The following ANK2 variants were observed in gnomAD, a reference collection of about 807,000 sequenced individuals.
The protein encoded by ANK2 is ankyrin 2.
In ANK2, 83 loss-of-function variants were observed where a neutral mutation model predicts 360.5. That is an observed-to-expected ratio of 0.23 (90% CI 0.19 to 0.28). The LOEUF is 0.28. Among genes scored for constraint, ANK2 ranks in the 10% least tolerant of loss-of-function variants. ANK2 has a pLI of 1.00. For missense variants in ANK2, 4,201 were observed against 4,795.7 expected, an observed-to-expected ratio of 0.88 and a Z score of 3.66; for synonymous variants, 1,740 against 1,759.5, an observed-to-expected ratio of 0.99 and a Z score of 0.28.
At chr4:113,263,022 T>C (rs1443537892) in intron 13 of ANK2, among the ~76,000 whole-genome samples, 1 of 151,516 alleles carries the variant, frequency 6.6e-6, no homozygotes, top group Non-Finnish European at 1.5e-5. Flanking sequence ...ACCCCATCTC[T>C]ACTAAAATTA....
chr4:113,193,684 T>C (rs2098706111), intron 2 of ANK2, among the ~76,000 whole-genome samples: 1 of 152,194 alleles, frequency 6.6e-6, no homozygotes, highest in Non-Finnish European at 1.5e-5. Context: ...GAAGAGTTCT[T>C]GGCTTGGGGG....
At chr4:112,736,966 T>A in the ANK2 span, among the ~76,000 whole-genome samples, 1 of 152,166 alleles carries the variant, frequency 6.6e-6, no homozygotes, top group Non-Finnish European at 1.5e-5. Flanking sequence ...TAAGTAGTGG[T>A]GGTGGTAGTG....
chr4:113,008,552 T>C (rs1256071159), intron 2 of ANK2, among the ~76,000 whole-genome samples: 1 of 152,160 alleles, frequency 6.6e-6, no homozygotes, highest in Admixed American at 6.6e-5. Flanking sequence ...TTAACTTATG[T>C]TTGGTGCAAA....
At chr4:112,805,328 G>T in the ANK2 span, among the ~76,000 whole-genome samples, 1 of 152,212 alleles carries the variant, frequency 6.6e-6, no homozygotes, top group Non-Finnish European at 1.5e-5. Context: ...TTTATGAAAT[G>T]AGAGGAAACC....
chr4:112,836,646 T>C (rs560218770), intron 1 of ANK2, among the ~76,000 whole-genome samples: 1 of 152,332 alleles, frequency 6.6e-6, no homozygotes, highest in East Asian at 1.9e-4. Context: ...TATTGGGAAC[T>C]GGAGTAAAGG....
At chr4:112,927,430 G>C (rs2092704425) in intron 2 of ANK2, among the ~76,000 whole-genome samples, 2 of 152,142 alleles carry the variant, frequency 1.3e-5, no homozygotes, top group Non-Finnish European at 2.9e-5. Context: ...TATATCTGTT[G>C]CTCTTTCAAG....
chr4:112,755,554 C>G, the ANK2 span, among the ~76,000 whole-genome samples: 1 of 151,942 alleles, frequency 6.6e-6, no homozygotes, highest in Non-Finnish European at 1.5e-5. Flanking sequence ...AGTACATTCT[C>G]AAGGGTGGGG....
chr4:113,306,924 G>A (rs1340475906), intron 23 of ANK2, among the ~76,000 whole-genome samples: 1 of 152,212 alleles, frequency 6.6e-6, no homozygotes, highest in African/African-American at 2.4e-5. Context: ...CAGAATTATA[G>A]CATCCAGATT....
chr4:112,884,085 TTTTGA>T (rs2077579991), intron 1 of ANK2, among the ~76,000 whole-genome samples: 2 of 152,098 alleles, frequency 1.3e-5, no homozygotes, highest in Admixed American at 1.3e-4. Flanking sequence ...CAATCAATAC[TTTTGA>T]TAAGTAATTA....
chr4:112,813,336 T>G (rs2149479562), upstream of ANK2, among the ~76,000 whole-genome samples: 1 of 151,326 alleles, frequency 6.6e-6, no homozygotes, highest in Non-Finnish European at 1.5e-5. Context: ...AATAAAACAC[T>G]TCAACATGTT....
intron 1 of ANK2, among the ~76,000 whole-genome samples, chr4:112,863,576 G>A (rs1166624822): frequency 7.3e-6 from 1 of 136,272 alleles, no homozygotes; most frequent in Non-Finnish European, 1.5e-5. Flanking sequence ...AGGCTGGAGT[G>A]CAGTGGCGCG....
intron 1 of ANK2, among the ~76,000 whole-genome samples, chr4:112,858,231 A>ATAT (rs74458053): frequency 0.33 from 50,680 of 151,600 alleles, 9,755 homozygotes; most frequent in East Asian, 0.66. Flanking sequence ...GTAAGTGACA[A>ATAT]TATTACTGAC....
At chr4:112,788,587 G>A in the ANK2 span, 2 of 1,586,338 alleles carry the variant, frequency 1.3e-6, no homozygotes, top group Non-Finnish European at 1.7e-6. Context: ...TTGTGGGCCA[G>A]CTTAAGCAGC....
rs765199439 is a variant in ANK2, at chr4:113,356,680, C to G, written c.8062C>G (p.Arg2688Gly). The G allele has an allele frequency of 1.2e-6, 2 of 1,614,072 alleles. No homozygotes were observed. Among genetic ancestry groups the G allele is most frequent in the South Asian group, 1.1e-5 (1 of 91,074 alleles). The change falls in exon 38 of 46, where the codon CGA (arginine) becomes GGA (glycine). Residue 2688 changes from arginine (R) to glycine (G), a missense_variant. By Grantham distance (125) the Arg-to-Gly change is moderately radical. This residue lies in a region of ANK2 where 2,642 missense variants were observed against 2,714.5 expected (regional missense o/e 0.97). Transcript: ENST00000357077. ...AGGCCTTTTACCAGAACCAGTGATT[C>G]GAGTACAACCTCCTTCTCCACTTCC... ...DSGLLPEPVI[R>G]VQPPSPLPSS...
intron 1 of ANK2, among the ~76,000 whole-genome samples, chr4:113,127,432 G>T (rs530457761): frequency 6.6e-6 from 1 of 150,882 alleles, no homozygotes; most frequent in South Asian, 2.1e-4. Context: ...AGCTAGATTA[G>T]GTATCATAAC....
intron 9 of ANK2, among the ~76,000 whole-genome samples, chr4:113,247,123 T>C (rs1283674836): frequency 6.7e-6 from 1 of 150,044 alleles, no homozygotes; most frequent in African/African-American, 2.5e-5. Context: ...ATCCACATCA[T>C]GGTGTATAGT....
intron 16 of ANK2, 71 bp from the exon 17 acceptor site, chr4:113,278,389 A>G (rs2061027312): frequency 2.3e-6 from 3 of 1,292,910 alleles, no homozygotes; most frequent in Non-Finnish European, 3.4e-6. Flanking sequence ...ATCAGTTTCC[A>G]GGCATCCTGG....
chr4:113,212,004 T>C (rs1160621447), intron 4 of ANK2, among the ~76,000 whole-genome samples: 3 of 152,200 alleles, frequency 2.0e-5, no homozygotes, highest in Non-Finnish European at 4.4e-5. Context: ...TCCAGTTATA[T>C]ATGTCTAAAA....
At chr4:112,857,845 A>C (rs1280902297) in intron 1 of ANK2, among the ~76,000 whole-genome samples, 1 of 152,172 alleles carries the variant, frequency 6.6e-6, no homozygotes, top group Non-Finnish European at 1.5e-5. Context: ...GCAGGTTCTG[A>C]TTCAGTGGGA....
Sources: allele counts gnomAD v4.1 joint callset (sites outside exome capture counted in the v4.1 genomes callset), GRCh38; gene constraint gnomAD v4.1.1; regional missense constraint gnomAD v4.1.1; transcripts MANE v1.5; gene names NCBI Gene and HGNC (gene_info 2026-07-23, HGNC 2026-07-21).